The following HCN1 variants were observed in gnomAD, a reference collection of about 807,000 sequenced individuals.
HCN1 encodes potassium/sodium hyperpolarization-activated cyclic nucleotide-gated channel 1.
Under a neutral mutation model 78.9 loss-of-function variants are expected in HCN1, and 13 were observed. That is an observed-to-expected ratio of 0.16 (90% CI 0.11 to 0.26). HCN1 has a LOEUF of 0.26. Ranked by LOEUF, HCN1 falls within the 10% of genes least tolerant of loss-of-function variation. The pLI is 1.00. For synonymous variants in HCN1, 552 were observed against 455.5 expected, an observed-to-expected ratio of 1.21 and a Z score of -2.70; for missense variants, 810 against 1,154.3, an observed-to-expected ratio of 0.70 and a Z score of 4.32.
intron 6 of HCN1, among the ~76,000 whole-genome samples, chr5:45,296,223 A>T (rs1293094533): frequency 6.6e-6 from 1 of 152,044 alleles, no homozygotes; most frequent in African/African-American, 2.4e-5. Context: ...TGGAACATTT[A>T]TCAAGAGTTA....
intron 2 of HCN1, among the ~76,000 whole-genome samples, chr5:45,581,515 T>G (rs1490264968): frequency 1.3e-5 from 2 of 152,308 alleles, no homozygotes; most frequent in Non-Finnish European, 2.9e-5. Context: ...GCAGAAGCTC[T>G]TTAGTTTAAT....
chr5:45,447,092 A>T (rs1217432958), intron 3 of HCN1, among the ~76,000 whole-genome samples: 4 of 152,242 alleles, frequency 2.6e-5, no homozygotes, highest in Non-Finnish European at 5.9e-5. Flanking sequence ...CAGACTGGCA[A>T]ATTGGATAAA....
chr5:45,294,749 T>C (rs1459320444), intron 6 of HCN1, among the ~76,000 whole-genome samples: 1 of 152,002 alleles, frequency 6.6e-6, no homozygotes, highest in African/African-American at 2.4e-5. Context: ...ATGAATAGAT[T>C]ACAAAACAGT....
intron 1 of HCN1, among the ~76,000 whole-genome samples, chr5:45,646,055 A>G (rs1255139701): frequency 6.6e-6 from 1 of 152,070 alleles, no homozygotes; most frequent in Non-Finnish European, 1.5e-5. Flanking sequence ...ATTAGAAAAA[A>G]AAACCCAGAA....
intron 3 of HCN1, among the ~76,000 whole-genome samples, chr5:45,403,483 A>C (rs1367621515): frequency 6.6e-6 from 1 of 152,212 alleles, no homozygotes; most frequent in Non-Finnish European, 1.5e-5. Context: ...CTTTCTTCAC[A>C]GGGTGGCAGG....
chr5:45,557,764 T>C (rs1385409084), intron 2 of HCN1, among the ~76,000 whole-genome samples: 1 of 152,156 alleles, frequency 6.6e-6, no homozygotes, highest in Admixed American at 6.6e-5. Context: ...TGCCATGAAC[T>C]GCACTCATAT....
intron 5 of HCN1, among the ~76,000 whole-genome samples, chr5:45,318,325 A>T (rs1746046121): frequency 6.6e-6 from 1 of 152,122 alleles, no homozygotes; most frequent in East Asian, 1.9e-4. Flanking sequence ...CAAAAAAACA[A>T]ACACCACATG....
chr5:45,570,588 T>C (rs987454118), intron 2 of HCN1, among the ~76,000 whole-genome samples: 3 of 152,132 alleles, frequency 2.0e-5, no homozygotes, highest in African/African-American at 7.2e-5. Context: ...ACTCAATATC[T>C]AAAACATTAC....
At chr5:45,537,115 C>T (rs997620647) in intron 2 of HCN1, among the ~76,000 whole-genome samples, 14 of 152,174 alleles carry the variant, frequency 9.2e-5, no homozygotes, top group Non-Finnish European at 1.8e-4. Context: ...CCTCTGACAG[C>T]CCAGGCTGGT....
intron 3 of HCN1, among the ~76,000 whole-genome samples, chr5:45,446,402 T>A (rs980523496): frequency 3.3e-5 from 5 of 152,132 alleles, no homozygotes; most frequent in African/African-American, 9.7e-5. Flanking sequence ...AGACCAAATC[T>A]ACATCTGATT....
At position 45,315,935 on chromosome 5, in the gene HCN1, C is replaced by A. The variant is rs532791673; in HGVS notation, c.1378-12096G>T. On this transcript the variant is annotated intron_variant, in intron 5 of 7. Transcript: ENST00000303230. ...AGGCAATAATTAATAGCTTACCAACCAAAAAAAGTACAGGACCAGATGGAT... is the reference window on the plus strand; with the variant it reads ...AGGCAATAATTAATAGCTTACCAACAAAAAAAAGTACAGGACCAGATGGAT... 2.0e-3 allele frequency among the ~76,000 whole-genome samples: 302 copies of A among 152,010 alleles called. 1 individual carries two copies. Among genetic ancestry groups the A allele is most frequent in the African/African-American group, 6.9e-3 (286 of 41,476 alleles).
intron 4 of HCN1, among the ~76,000 whole-genome samples, chr5:45,380,444 C>A (rs1747782979): frequency 6.6e-6 from 1 of 152,062 alleles, no homozygotes; most frequent in African/African-American, 2.4e-5. Context: ...GGATATCCAG[C>A]ATATGTCTAG....
At chr5:45,567,521 T>G (rs562639913) in intron 2 of HCN1, among the ~76,000 whole-genome samples, 1 of 149,858 alleles carries the variant, frequency 6.7e-6, no homozygotes, top group Non-Finnish European at 1.5e-5. Context: ...ACAGGTTAAC[T>G]AAACCCAGAT....
At chr5:45,621,408 G>A (rs2111995179) in intron 2 of HCN1, among the ~76,000 whole-genome samples, 1 of 151,920 alleles carries the variant, frequency 6.6e-6, no homozygotes. Flanking sequence ...TGACAAAGCT[G>A]AAAATAGAAG....
At chr5:45,440,465 C>T (rs945481061) in intron 3 of HCN1, among the ~76,000 whole-genome samples, 1 of 152,152 alleles carries the variant, frequency 6.6e-6, no homozygotes. Context: ...TCATGCCCCT[C>T]TTGTGACTAC....
chr5:45,525,170 G>C (rs543114095), intron 2 of HCN1, among the ~76,000 whole-genome samples: 2 of 152,060 alleles, frequency 1.3e-5, no homozygotes, highest in African/African-American at 2.4e-5. Flanking sequence ...ATTGATTTGC[G>C]TACATTGAAC....
intron 5 of HCN1, among the ~76,000 whole-genome samples, chr5:45,339,989 G>T (rs1746541218): frequency 6.6e-6 from 1 of 152,060 alleles, no homozygotes; most frequent in African/African-American, 2.4e-5. Context: ...CATGATCTTG[G>T]CCCACTGCAA....
intron 2 of HCN1, among the ~76,000 whole-genome samples, chr5:45,498,357 G>C (rs1001264713): frequency 1.3e-5 from 2 of 151,988 alleles, no homozygotes; most frequent in Non-Finnish European, 1.5e-5. Context: ...CGCTGATACT[G>C]CTTCTTCCAG....
intron 4 of HCN1, among the ~76,000 whole-genome samples, chr5:45,366,883 A>G (rs899637815): frequency 6.6e-6 from 1 of 151,830 alleles, no homozygotes; most frequent in Non-Finnish European, 1.5e-5. Flanking sequence ...GGATGTTATC[A>G]TGGTACTTAT....
Sources: allele counts gnomAD v4.1 joint callset (sites outside exome capture counted in the v4.1 genomes callset), GRCh38; gene constraint gnomAD v4.1.1; transcripts MANE v1.5; gene names NCBI Gene and HGNC (gene_info 2026-07-23, HGNC 2026-07-21).